EPB41L1: variants seen among roughly 807,000 people sequenced by gnomAD.
EPB41L1 encodes the protein band 4.1-like protein 1.
Under a neutral mutation model 97.8 loss-of-function variants are expected in EPB41L1, and 29 were observed. That is an observed-to-expected ratio of 0.30 (90% CI 0.22 to 0.40). The LOEUF (loss-of-function observed/expected upper bound fraction) is 0.40. Among genes scored for constraint, EPB41L1 ranks in the 10% least tolerant of loss-of-function variants. EPB41L1 has a pLI of 1.00. For missense variants in EPB41L1, 812 were observed against 1,162.3 expected (o/e 0.70, Z 4.38); for synonymous variants, 383 against 459.2 (o/e 0.83, Z 2.12).
chr20:36,125,506 A>G, intron 2 of EPB41L1: 3 of 1,454,336 alleles, frequency 2.1e-6, no homozygotes, highest in East Asian at 4.9e-5. Flanking sequence ...AGAGCCTAGC[A>G]CCTACTGAGC....
intron 1 of EPB41L1, among the ~76,000 whole-genome samples, chr20:36,169,717 T>A (rs945451072): frequency 2.6e-5 from 4 of 152,138 alleles, no homozygotes; most frequent in Non-Finnish European, 5.9e-5. Context: ...TCTAAATGGC[T>A]CCCTTTTTTC....
In EPB41L1 at chr20:36,114,722, C is replaced by T. The variant is rs964984619; in HGVS notation, c.-10+2242C>T. On this transcript the variant is annotated intron_variant, in intron 2 of 19. Coordinates refer to the EPB41L1 transcript ENST00000202028. ...CCTTTTAAGCTGTCCTGTGTCCCAG[C>T]TTAGCAATCCAAACAGAAAAGGGAG... Among the ~76,000 whole-genome samples the T allele has an allele frequency of 7.2e-5, 11 of 152,166 alleles. No individual in the cohort carries two copies. The South Asian group carries it at 8.3e-4, about 11-fold the overall frequency.
rs202030350 is a variant in EPB41L1, at chr20:36,102,006, A to AAAAAC, written c.-64-10390_-64-10386dup. Reference sequence around the variant, plus strand: ...TGTGACAGAGTGAGACTCTGTCTCAAAAAACAAAACAAAACAAAACAAAAC... The same window carrying AAAAAC: ...TGTGACAGAGTGAGACTCTGTCTCAAAAAACAAAACAAAACAAAACAAAACAAAAC... On this transcript the variant is annotated intron_variant, in intron 1 of 19. Transcript: ENST00000202028. 5.3e-3 allele frequency among the ~76,000 whole-genome samples: 734 copies of AAAAAC among 137,658 alleles called. 6 individuals are homozygous for AAAAAC. The highest frequency in any genetic ancestry group is 0.012 in the African/African-American group (426 of 35,398). 90.3% of individuals were successfully genotyped at this position (137,658 alleles called of 152,430 possible). A position where few individuals can be genotyped will look rare whatever the true frequency, so the allele number is the denominator to read the frequency against.
At position 36,210,005 on chromosome 20, in the gene EPB41L1, T is replaced by C. The variant is rs571892387; in HGVS notation, c.2079+107T>C. The C allele has an allele frequency of 2.4e-4, 323 of 1,340,888 alleles. No individual in the cohort carries two copies. In the Middle Eastern group the frequency reaches 4.8e-3, roughly 20 times the overall value. 83.1% of individuals were successfully genotyped at this position (1,340,888 alleles called of 1,614,324 possible). On this transcript the variant is annotated intron_variant, in intron 15 of 21. Transcript: ENST00000338074. ...GCACCCAGCCTGCAGCCTGAAGCTC[T>C]GTCTCGTGTTGCATGACTGCCCCTC... is the stretch of plus-strand genomic sequence containing the variant.
At chr20:36,208,207 C>A in intron 14 of EPB41L1, 1 of 342,114 alleles carries the variant, frequency 2.9e-6, no homozygotes. Context: ...AGTTGACAGT[C>A]CAGAGGTTTC....
chr20:36,139,927 C>T lies in EPB41L1; in HGVS notation c.-10+27447C>T, dbSNP rs2059571907. 2.0e-5 allele frequency among the ~76,000 whole-genome samples: 3 copies of T among 152,050 alleles called. No individual in the cohort carries two copies. The South Asian group carries it at 6.2e-4, about 32-fold the overall frequency. On this transcript the variant is annotated intron_variant, in intron 2 of 19. Coordinates refer to the EPB41L1 transcript ENST00000202028. Reference sequence around the variant, plus strand: ...TGTATTTTTAGTAGAGATGGAGTTTCTCCATGTTGGTCAGCTGGTCTCGAA... The same window carrying T: ...TGTATTTTTAGTAGAGATGGAGTTTTTCCATGTTGGTCAGCTGGTCTCGAA...
chr20:36,167,396 G>A (rs1201222905), intron 1 of EPB41L1, among the ~76,000 whole-genome samples: 9 of 152,046 alleles, frequency 5.9e-5, no homozygotes, highest in Non-Finnish European at 1.3e-4. Flanking sequence ...TTTAATGGGA[G>A]GCCCTTGGGG....
chr20:36,124,423 G>T (rs2058879991), intron 2 of EPB41L1, among the ~76,000 whole-genome samples: 2 of 152,108 alleles, frequency 1.3e-5, no homozygotes, highest in South Asian at 4.1e-4. Context: ...ATCTCTATTG[G>T]TCTCCATAGA....
intron 11 of EPB41L1, among the ~76,000 whole-genome samples, chr20:36,192,419 T>C (rs1268626537): frequency 6.7e-6 from 1 of 150,026 alleles, no homozygotes; most frequent in Non-Finnish European, 1.5e-5. Flanking sequence ...TAGTCCCAGC[T>C]ACTCGGGAGC....
intron 1 of EPB41L1, among the ~76,000 whole-genome samples, chr20:36,110,529 C>G (rs1264866244): frequency 1.3e-5 from 2 of 151,972 alleles, no homozygotes; most frequent in Non-Finnish European, 2.9e-5. Context: ...TAGCTACACA[C>G]ATGTGCACAC....
At chr20:36,184,985 A>G (rs140844629) in intron 6 of EPB41L1, 132 bp from the exon 7 acceptor site, 3 of 837,162 alleles carry the variant, frequency 3.6e-6, no homozygotes, top group African/African-American at 1.7e-5. Context: ...TTGTCAATAT[A>G]TGAAGCGCCA....
intron 2 of EPB41L1, among the ~76,000 whole-genome samples, chr20:36,130,768 C>CTCTT (rs11472852): frequency 0.2 from 29,796 of 151,074 alleles, 3,140 homozygotes; most frequent in Middle Eastern, 0.27. Flanking sequence ...CTCTCTCTCT[C>CTCTT]TATTTGATTT....
chr20:36,203,568 C>A (rs1364375434), intron 14 of EPB41L1, among the ~76,000 whole-genome samples: 1 of 152,220 alleles, frequency 6.6e-6, no homozygotes, highest in South Asian at 2.1e-4. Context: ...CTTTGGCCAT[C>A]ATTGCCAGGC....
In EPB41L1 at chr20:36,164,623, A is replaced by G. The variant is rs562665748; in HGVS notation, c.-14-9141A>G. ...AAGACATGCTTCTTGTGTACATGTCATAAGCATCTATAACATAGTCTCCTC... is the reference window on the plus strand; with the variant it reads ...AAGACATGCTTCTTGTGTACATGTCGTAAGCATCTATAACATAGTCTCCTC... On this transcript the variant is annotated intron_variant, in intron 1 of 21. Transcript: ENST00000338074. 2.0e-5 allele frequency among the ~76,000 whole-genome samples: 3 copies of G among 152,358 alleles called. No homozygotes were observed. In the South Asian group the frequency reaches 6.2e-4, roughly 32 times the overall value.
rs977447027 is a variant in EPB41L1, at chr20:36,197,825, C to T, written c.1486-34C>T. The T allele has an allele frequency of 5.0e-6, 8 of 1,613,786 alleles. No homozygotes were observed. In the African/African-American group the frequency reaches 1.1e-4, roughly 22 times the overall value. On this transcript the variant is annotated intron_variant, in intron 13 of 21. Transcript: ENST00000338074. ...CCTGCATCCCCGCTTGGAGCTGTTC[C>T]CCTAACACCACCACCCTCTCCATCT...
At chr20:36,103,040 G>A (rs2058067423) in intron 1 of EPB41L1, among the ~76,000 whole-genome samples, 1 of 152,124 alleles carries the variant, frequency 6.6e-6, no homozygotes, top group Admixed American at 6.5e-5. Context: ...CCTTTTCAAG[G>A]CTCAGCTCAG....
intron 1 of EPB41L1, among the ~76,000 whole-genome samples, chr20:36,162,587 G>A (rs6142522): frequency 2.0e-5 from 3 of 152,156 alleles, no homozygotes; most frequent in Non-Finnish European, 2.9e-5. Flanking sequence ...CCCAGCTCTC[G>A]GAGGATACCC....
At chr20:36,113,461 T>C (rs1455639812) in intron 2 of EPB41L1, among the ~76,000 whole-genome samples, 1 of 149,456 alleles carries the variant, frequency 6.7e-6, no homozygotes, top group East Asian at 2.0e-4. Context: ...TGTGTACACA[T>C]GTGTGTGCAC....
chr20:36,203,478 G>A (rs1312452904), intron 14 of EPB41L1, among the ~76,000 whole-genome samples: 3 of 152,172 alleles, frequency 2.0e-5, no homozygotes, highest in African/African-American at 4.8e-5. Flanking sequence ...CAGCACCTGC[G>A]CCACTCACTC....
Sources: gnomAD v4.1 joint callset for allele counts (sites outside exome capture counted in the v4.1 genomes callset) on GRCh38, gnomAD v4.1.1 for gene constraint, MANE v1.5 for transcripts, NCBI Gene and HGNC (gene_info 2026-07-23, HGNC 2026-07-21) for gene names.